The following PXK variants were observed in gnomAD, a reference collection of about 807,000 sequenced individuals.
The protein encoded by PXK is PX domain-containing protein kinase-like protein.
Under a neutral mutation model 84.7 loss-of-function variants are expected in PXK, and 35 were observed. The ratio of observed to expected loss-of-function variants is 0.41; its 90% CI spans 0.32 to 0.55. The LOEUF is 0.55. Among genes scored for constraint, PXK ranks in the 20% least tolerant of loss-of-function variants. The pLI is 0.21. For missense variants in PXK, 634 were observed against 699.7 expected (o/e 0.91, Z 1.06); for synonymous variants, 253 against 260.8 (o/e 0.97, Z 0.29).
At chr3:58,359,192 A>G (rs112147010) in intron 1 of PXK, among the ~76,000 whole-genome samples, 2 of 152,322 alleles carry the variant, frequency 1.3e-5, no homozygotes, top group African/African-American at 4.8e-5. Flanking sequence ...CTTACTTAGT[A>G]GCTTCTAAGT....
At chr3:58,423,435 G>C in intron 17 of PXK, 6 of 1,524,506 alleles carry the variant, frequency 3.9e-6, no homozygotes, top group Non-Finnish European at 5.3e-6. Context: ...ATGAGCGTGT[G>C]TATTTGTGTG....
chr3:58,388,960 T>C lies in PXK; in HGVS notation c.389-1622T>C, dbSNP rs180820533. ...TTCCACAGTGCATTTGGAGGATTGC[T>C]GTTTGCTTTCAGGGATCTGGAATGG... On this transcript the variant is annotated intron_variant, in intron 4 of 17. Transcript: ENST00000356151. 1.0e-3 allele frequency among the ~76,000 whole-genome samples: 154 copies of C among 152,172 alleles called. 1 individual carries two copies. Among genetic ancestry groups the C allele is most frequent in the Middle Eastern group, 3.4e-3 (1 of 294 alleles).
intron 3 of PXK, among the ~76,000 whole-genome samples, chr3:58,375,063 C>A (rs1449344623): frequency 6.6e-6 from 1 of 152,140 alleles, no homozygotes; most frequent in Non-Finnish European, 1.5e-5. Flanking sequence ...TGAAGCTTGA[C>A]AAACTGGGTA....
At position 58,398,440 on chromosome 3, in the gene PXK, G is replaced by C. The variant is rs2058062195; in HGVS notation, c.1102+718G>C. Among the ~76,000 whole-genome samples, 1 of 152,122 alleles carries C rather than the reference G, an allele frequency of 6.6e-6. No homozygotes were observed. The highest frequency in any genetic ancestry group is 2.4e-5 in the African/African-American group (1 of 41,420). ...AACAAAACAAAACAAGAATGCCATAGGCCAGAAGCCTAGTAGATAAGAGCC... is the reference window on the plus strand; with the variant it reads ...AACAAAACAAAACAAGAATGCCATACGCCAGAAGCCTAGTAGATAAGAGCC... On this transcript the variant is annotated intron_variant, in intron 11 of 17. Transcript: ENST00000356151. The surrounding 1 kb of genome is among the most constrained non-coding windows in gnomAD (Gnocchi z 4.5).
intron 13 of PXK, among the ~76,000 whole-genome samples, chr3:58,405,506 C>G (rs2059253416): frequency 6.6e-6 from 1 of 152,024 alleles, no homozygotes; most frequent in Non-Finnish European, 1.5e-5. Flanking sequence ...TGGCAAAACC[C>G]CATCTCTACT....
Position 58,421,374 on chromosome 3 carries a change from A to G in PXK, c.1529-3378A>G. On this transcript the variant is annotated intron_variant, in intron 17 of 17. Transcript: ENST00000356151. The surrounding 1 kb of genome is among the most constrained non-coding windows in gnomAD (Gnocchi z 5.5). ...AGGCGGGCGGATCACAAGGATCAGG[A>G]GTTCAAGACCAACCTGGCCAACATG... 1.2e-6 allele frequency: 1 copy of G among 833,484 alleles called. No individual in the cohort carries two copies. Among genetic ancestry groups the G allele is most frequent in the Non-Finnish European group, 1.4e-6 (1 of 715,214 alleles). The allele number at this position is 833,484 out of a possible 1,614,324, so 51.6% of individuals were successfully genotyped here.
chr3:58,377,478 G>T (rs571365856), intron 3 of PXK, among the ~76,000 whole-genome samples: 1 of 151,926 alleles, frequency 6.6e-6, no homozygotes, highest in Admixed American at 6.6e-5. Flanking sequence ...TTAAAATGCC[G>T]ATCTCATGCT....
At chr3:58,349,852 T>C (rs2097889874) in intron 1 of PXK, among the ~76,000 whole-genome samples, 1 of 152,148 alleles carries the variant, frequency 6.6e-6, no homozygotes, top group Admixed American at 6.6e-5. Flanking sequence ...AGGTCACTGC[T>C]CTCTTCAAAC....
rs2098476703 is a variant in PXK, at chr3:58,379,392, C to A, written c.202-3122C>A. 6.5e-6 allele frequency: 1 copy of A among 153,116 alleles called. No homozygotes were observed. Among genetic ancestry groups the A allele is most frequent in the African/African-American group, 2.4e-5 (1 of 41,298 alleles). 9.5% of individuals were successfully genotyped at this position (153,116 alleles called of 1,614,324 possible). ...CTTCCTGTGGATATGTTTTGTAGGA[C>A]TCTCTGCTTTTTCTAAATTTCACTA... is the stretch of plus-strand genomic sequence containing the variant. On this transcript the variant is annotated intron_variant, in intron 3 of 17. Coordinates refer to ENST00000356151, the MANE Select transcript of PXK (RefSeq NM_017771.5). The surrounding 1 kb of genome is among the most constrained non-coding windows in gnomAD (Gnocchi z 5.1).
rs1234588727 is a variant in PXK at position 58,409,791 on chromosome 3, A to C, written c.1395+173A>C. Among the ~76,000 whole-genome samples the C allele has an allele frequency of 6.6e-6, 1 of 151,916 alleles. No individual in the cohort carries two copies. Among genetic ancestry groups the C allele is most frequent in the Admixed American group, 6.6e-5 (1 of 15,264 alleles). On this transcript the variant is annotated intron_variant, in intron 15 of 17. Transcript: ENST00000356151. The surrounding 1 kb of genome is among the most constrained non-coding windows in gnomAD (Gnocchi z 4.2). Reference sequence around the variant, plus strand: ...TTTTTGGGGAAAAAAAAAGAGTCATATGATAATCAGCCGAGAAATAGCCCA... The same window carrying C: ...TTTTTGGGGAAAAAAAAAGAGTCATCTGATAATCAGCCGAGAAATAGCCCA...
chr3:58,390,734 G>T lies in PXK; in HGVS notation c.466+75G>T. 7.3e-7 allele frequency: 1 copy of T among 1,376,862 alleles called. No homozygotes were observed. Among genetic ancestry groups the T allele is most frequent in the East Asian group, 2.3e-5 (1 of 42,734 alleles). 85.3% of individuals were successfully genotyped at this position (1,376,862 alleles called of 1,614,324 possible). A position where few individuals can be genotyped will look rare whatever the true frequency, so the allele number is the denominator to read the frequency against. On this transcript the variant is annotated intron_variant, in intron 5 of 17. Transcript: ENST00000356151. The surrounding 1 kb of genome is among the most constrained non-coding windows in gnomAD (Gnocchi z 4.2). ...GATCCTTAGTCATGCTTTCTGATAC[G>T]TATCCCAGGAACATGCTTAAATGCA... is the stretch of plus-strand genomic sequence containing the variant.
At chr3:58,372,400 G>A (rs774918047) in intron 3 of PXK, among the ~76,000 whole-genome samples, 23 of 152,092 alleles carry the variant, frequency 1.5e-4, no homozygotes, top group South Asian at 2.1e-4. Context: ...TTGGCTGACT[G>A]CAAGCTCCGC....
intron 1 of PXK, among the ~76,000 whole-genome samples, chr3:58,350,540 A>T (rs1414012598): frequency 1.3e-5 from 2 of 152,202 alleles, no homozygotes; most frequent in Non-Finnish European, 2.9e-5. Flanking sequence ...CCAAGGGCAT[A>T]GAAGGTAGGA....
intron 17 of PXK, among the ~76,000 whole-genome samples, chr3:58,417,369 A>G (rs540829317): frequency 5.3e-4 from 80 of 152,322 alleles, no homozygotes; most frequent in Middle Eastern, 3.4e-3. Flanking sequence ...AAGCACATTT[A>G]TGGCAGCTAA....
intron 3 of PXK, among the ~76,000 whole-genome samples, chr3:58,380,230 T>A (rs2098484776): frequency 6.6e-6 from 1 of 151,242 alleles, no homozygotes; most frequent in Non-Finnish European, 1.5e-5. Context: ...ATAGAGAAGA[T>A]CCTGAAAGCT....
intron 3 of PXK, among the ~76,000 whole-genome samples, chr3:58,371,114 G>A (rs571072248): frequency 3.7e-4 from 56 of 152,342 alleles, no homozygotes; most frequent in Non-Finnish European, 6.2e-4. Flanking sequence ...GAAGGGGCCT[G>A]AGTATCTGCA....
At chr3:58,353,478 T>C (rs949768871) in intron 1 of PXK, among the ~76,000 whole-genome samples, 7 of 152,148 alleles carry the variant, frequency 4.6e-5, no homozygotes, top group Non-Finnish European at 1.0e-4. Flanking sequence ...TGCAGAAAAA[T>C]TGAAACAAAA....
chr3:58,420,426 T>C, intron 17 of PXK: 3 of 1,349,030 alleles, frequency 2.2e-6, no homozygotes, highest in South Asian at 2.5e-5. Flanking sequence ...AATAATCAGC[T>C]TGTGATTCAG....
chr3:58,335,574 C>T (rs1440264868), intron 1 of PXK, among the ~76,000 whole-genome samples: 1 of 139,568 alleles, frequency 7.2e-6, no homozygotes, highest in African/African-American at 3.4e-5. Context: ...GGCTTTCCAG[C>T]TTGGTAGCTG....
Sources: allele counts gnomAD v4.1 joint callset (sites outside exome capture counted in the v4.1 genomes callset), GRCh38; gene constraint gnomAD v4.1.1; non-coding constraint Gnocchi (gnomAD v3.1); transcripts MANE v1.5; gene names NCBI Gene and HGNC (gene_info 2026-07-23, HGNC 2026-07-21).